The following PTPRD variants were observed in gnomAD, a reference collection of about 807,000 sequenced individuals.
PTPRD encodes protein tyrosine phosphatase receptor type D, also known as receptor-type tyrosine-protein phosphatase delta.
PTPRD carries 34 observed loss-of-function variants against 214.5 expected under a neutral mutation model. The observed-to-expected ratio is 0.16, with a 90% CI of 0.12 to 0.21. The LOEUF (loss-of-function observed/expected upper bound fraction) is 0.21. Among genes scored for constraint, PTPRD ranks in the 10% least tolerant of loss-of-function variants. The pLI, the probability that PTPRD is intolerant of heterozygous loss-of-function variation, is 1.00. For synonymous variants in PTPRD, 1,128 were observed against 845.7 expected, an observed-to-expected ratio of 1.33 and a Z score of -5.79; for missense variants, 2,545 against 2,398.7, an observed-to-expected ratio of 1.06 and a Z score of -1.27.
chr9:8,472,932 A>G (rs1209355712), intron 30 of PTPRD, among the ~76,000 whole-genome samples: 1 of 152,146 alleles, frequency 6.6e-6, no homozygotes, highest in African/African-American at 2.4e-5. Context: ...ATACGTGAGT[A>G]AAAAATACCA....
chr9:8,726,861 C>G (rs145880260), intron 12 of PTPRD, among the ~76,000 whole-genome samples: 1,666 of 147,942 alleles, frequency 0.011, 15 homozygotes, highest in Non-Finnish European at 0.016. Flanking sequence ...GTTCCAGCTA[C>G]TAGGGAGGCT....
At position 10,202,115 on chromosome 9, in the gene PTPRD, T is replaced by C. The variant is rs558526915; in HGVS notation, c.-545+138848A>G. 5.0e-4 allele frequency among the ~76,000 whole-genome samples: 76 copies of C among 152,200 alleles called. 1 individual carries two copies. Among genetic ancestry groups the C allele is most frequent in the African/African-American group, 1.8e-3 (74 of 41,552 alleles). On this transcript the variant is annotated intron_variant, in intron 3 of 45. Transcript: ENST00000381196. The stretch of plus-strand genomic sequence containing the variant: ...AGAAAGAGAAGCTCAATGAAGTAAA[T>C]GGTAGCTGCCCTCAAATTTCTACAG...
rs368877342 is a variant in PTPRD, at chr9:8,376,099, T to C, written c.4507-9A>G. 12 of 1,611,330 alleles carry C rather than the reference T, an allele frequency of 7.4e-6. No individual in the cohort carries two copies. In the African/African-American group the frequency reaches 1.6e-4, roughly 22 times the overall value. ...TTCTCACTTGAACCATTCTGTGAAA[T>C]AGGAATATCAGCTGAAATTCTGTTT... On this transcript the variant is annotated splice_polypyrimidine_tract_variant and intron_variant, in intron 38 of 45. Transcript: ENST00000381196.
At chr9:10,432,180 G>A (rs577104362) in intron 2 of PTPRD, among the ~76,000 whole-genome samples, 68 of 149,778 alleles carry the variant, frequency 4.5e-4, no homozygotes, top group East Asian at 1.4e-3. Flanking sequence ...GTAAACTATC[G>A]CAAGAACAAA....
At chr9:9,511,129 A>T (rs918490264) in intron 8 of PTPRD, among the ~76,000 whole-genome samples, 1 of 151,658 alleles carries the variant, frequency 6.6e-6, no homozygotes, top group African/African-American at 2.4e-5. Flanking sequence ...CTTTTTGTTT[A>T]TTTTTTTCCT....
intron 9 of PTPRD, among the ~76,000 whole-genome samples, chr9:9,308,211 G>T (rs1394453128): frequency 1.3e-5 from 2 of 152,092 alleles, no homozygotes; most frequent in African/African-American, 4.8e-5. Context: ...TCCTCAGATT[G>T]TGATCAAGTA....
chr9:9,849,759 T>A (rs2060197272), intron 5 of PTPRD, among the ~76,000 whole-genome samples: 1 of 152,124 alleles, frequency 6.6e-6, no homozygotes, highest in Non-Finnish European at 1.5e-5. Flanking sequence ...GACTTTTGCA[T>A]CCAGCTGATG....
At chr9:9,356,173 A>G (rs2053694961) in intron 9 of PTPRD, among the ~76,000 whole-genome samples, 1 of 151,462 alleles carries the variant, frequency 6.6e-6, no homozygotes, top group Admixed American at 6.6e-5. Flanking sequence ...GAACCAAGGA[A>G]TAGGGAGAGT....
At chr9:10,092,458 T>C (rs916843186) in intron 3 of PTPRD, among the ~76,000 whole-genome samples, 2 of 151,420 alleles carry the variant, frequency 1.3e-5, no homozygotes, top group African/African-American at 2.4e-5. Context: ...TGGAAATGGT[T>C]TAAGTCATAT....
chr9:8,597,251 G>C (rs963564944), intron 14 of PTPRD, among the ~76,000 whole-genome samples: 2 of 152,040 alleles, frequency 1.3e-5, no homozygotes, highest in African/African-American at 4.8e-5. Flanking sequence ...CTAGTTAATA[G>C]CCTCAAAAAT....
At chr9:9,079,121 C>G (rs1236846410) in intron 10 of PTPRD, among the ~76,000 whole-genome samples, 1 of 151,912 alleles carries the variant, frequency 6.6e-6, no homozygotes, top group Non-Finnish European at 1.5e-5. Context: ...TATGGTCATC[C>G]TACAGTGCCA....
intron 8 of PTPRD, among the ~76,000 whole-genome samples, chr9:9,483,670 A>G (rs2095509482): frequency 6.6e-6 from 1 of 152,046 alleles, no homozygotes; most frequent in Admixed American, 6.6e-5. Context: ...GCAGTGAGTG[A>G]TAATACCATG....
At chr9:8,482,211 T>C (rs2096901904) in intron 30 of PTPRD, among the ~76,000 whole-genome samples, 1 of 152,190 alleles carries the variant, frequency 6.6e-6, no homozygotes, top group Admixed American at 6.5e-5. Context: ...GACACCATCA[T>C]TCATTGTCAT....
intron 5 of PTPRD, among the ~76,000 whole-genome samples, chr9:9,905,271 G>C (rs1315083334): frequency 6.6e-6 from 1 of 151,760 alleles, no homozygotes; most frequent in Non-Finnish European, 1.5e-5. Context: ...AATTCAGTTT[G>C]ATTATTGAAA....
chr9:9,553,271 C>T (rs1010806056), intron 8 of PTPRD, among the ~76,000 whole-genome samples: 1 of 151,972 alleles, frequency 6.6e-6, no homozygotes, highest in Admixed American at 6.6e-5. Context: ...ACAAAGAAAA[C>T]ATTTAATATT....
intron 10 of PTPRD, among the ~76,000 whole-genome samples, chr9:9,139,844 C>T (rs1055252884): frequency 6.6e-6 from 1 of 152,236 alleles, no homozygotes; most frequent in South Asian, 2.1e-4. Context: ...TGTGATTGAA[C>T]TATTCTACCC....
At chr9:9,196,168 G>A (rs10977563) in intron 9 of PTPRD, among the ~76,000 whole-genome samples, 10,861 of 152,034 alleles carry the variant, frequency 0.071, 456 homozygotes, top group African/African-American at 0.12. Context: ...AATATGTGGG[G>A]GTACATTGTG....
intron 36 of PTPRD, among the ~76,000 whole-genome samples, chr9:8,396,734 A>C (rs1357961437): frequency 2.0e-5 from 3 of 152,138 alleles, no homozygotes; most frequent in Non-Finnish European, 4.4e-5. Context: ...AACAGATATA[A>C]CAGCACTTGC....
intron 7 of PTPRD, among the ~76,000 whole-genome samples, chr9:9,598,887 T>C (rs567257875): frequency 2.1e-4 from 32 of 152,140 alleles, no homozygotes; most frequent in African/African-American, 7.5e-4. Context: ...CTTCTGAAGC[T>C]TCAGAATTTT....
Sources: allele counts gnomAD v4.1 joint callset (sites outside exome capture counted in the v4.1 genomes callset), GRCh38; gene constraint gnomAD v4.1.1; transcripts MANE v1.5; gene names NCBI Gene and HGNC (gene_info 2026-07-23, HGNC 2026-07-21).